PICALM: variants seen among roughly 807,000 people sequenced by gnomAD.
PICALM encodes phosphatidylinositol-binding clathrin assembly protein.
PICALM carries 40 observed loss-of-function variants against 80.5 expected under a neutral mutation model. That is an observed-to-expected ratio of 0.50 (90% CI 0.39 to 0.65). The LOEUF (loss-of-function observed/expected upper bound fraction) is 0.65. PICALM is among the 30% of genes least tolerant of loss of function. The pLI is 0.00. For missense variants in PICALM, 676 were observed against 778.9 expected, an observed-to-expected ratio of 0.87 and a Z score of 1.57; for synonymous variants, 288 against 260.3, an observed-to-expected ratio of 1.11 and a Z score of -1.02.
chr11:85,977,541 T>G (rs1321556220), intron 17 of PICALM, among the ~76,000 whole-genome samples: 1 of 152,204 alleles, frequency 6.6e-6, no homozygotes, highest in Non-Finnish European at 1.5e-5. Flanking sequence ...ACTGAAATTA[T>G]ATGGCAATTT....
chr11:86,058,834 C>G (rs2096309894), intron 1 of PICALM, among the ~76,000 whole-genome samples: 2 of 152,120 alleles, frequency 1.3e-5, no homozygotes, highest in African/African-American at 4.8e-5. Context: ...TAGAGTTGTG[C>G]AAGGAAGCAG....
chr11:86,026,923 C>T (rs41452444), intron 2 of PICALM, among the ~76,000 whole-genome samples: 2,362 of 152,248 alleles, frequency 0.016, 31 homozygotes, highest in Non-Finnish European at 0.025. Flanking sequence ...AACAGGTATA[C>T]GTTACTTTCA....
At position 85,959,112 on chromosome 11, in the gene PICALM, C is replaced by A. The variant is rs1345637420; in HGVS notation, c.1945-52G>T. On this transcript the variant is annotated intron_variant, in intron 19 of 19. Coordinates refer to ENST00000393346, the MANE Select transcript of PICALM (RefSeq NM_007166.4). ...TTCATTGTATTGTAGGATGTCTTCT[C>A]ATAAATAAAAATGCTTTGTGGTCTT... The A allele has an allele frequency of 5.3e-6, 7 of 1,328,146 alleles. No homozygotes were observed. The Admixed American group carries it at 1.1e-4, about 21-fold the overall frequency. 82.3% of individuals were successfully genotyped at this position (1,328,146 alleles called of 1,614,324 possible).
At chr11:85,966,749 G>C (rs972644368) in intron 19 of PICALM, among the ~76,000 whole-genome samples, 1 of 152,182 alleles carries the variant, frequency 6.6e-6, no homozygotes, top group African/African-American at 2.4e-5. Flanking sequence ...GATGACCAGT[G>C]TCCTTATAAG....
At chr11:85,989,171 G>A (rs954034481) in intron 13 of PICALM, among the ~76,000 whole-genome samples, 5 of 152,178 alleles carry the variant, frequency 3.3e-5, no homozygotes, top group African/African-American at 4.8e-5. Context: ...TAATCCTATA[G>A]AGTAAGGGCT....
intron 17 of PICALM, among the ~76,000 whole-genome samples, chr11:85,980,660 T>C (rs1017659000): frequency 6.6e-6 from 1 of 152,168 alleles, no homozygotes; most frequent in African/African-American, 2.4e-5. Context: ...AATCACAAGA[T>C]TTTGTATTTT....
chr11:85,967,871 TC>T (rs1380402403), intron 19 of PICALM, among the ~76,000 whole-genome samples: 1 of 152,200 alleles, frequency 6.6e-6, no homozygotes, highest in African/African-American at 2.4e-5. Flanking sequence ...TAAAAAGCAC[TC>T]ACAACAAGCC....
At chr11:85,975,012 A>G (rs908960306) in intron 18 of PICALM, among the ~76,000 whole-genome samples, 200 bp from the exon 19 acceptor site, 9 of 152,208 alleles carry the variant, frequency 5.9e-5, no homozygotes, top group Admixed American at 1.3e-4. Context: ...AGTCTTTAAC[A>G]TGCTCATTTT....
intron 4 of PICALM, among the ~76,000 whole-genome samples, chr11:86,019,989 G>A (rs192241150): frequency 3.9e-4 from 60 of 152,142 alleles, no homozygotes; most frequent in Admixed American, 8.5e-4. Flanking sequence ...AAGGGTCATC[G>A]CTGCTGCTAA....
chr11:86,022,364 C>A lies in PICALM; in HGVS notation c.452+3G>T. 2 of 1,512,906 alleles carry A rather than the reference C, an allele frequency of 1.3e-6. No individual in the cohort carries two copies. The highest frequency in any genetic ancestry group is 2.4e-5 in the South Asian group (2 of 84,514). 93.7% of individuals were successfully genotyped at this position (1,512,906 alleles called of 1,614,324 possible). A position where few individuals can be genotyped will look rare whatever the true frequency, so the allele number is the denominator to read the frequency against. ...ATTAGATGTCAAAAAAAGCTTAACT[C>A]ACCCTCTCTTCACTTTTGTGAAATC... On this transcript the variant is annotated splice_donor_region_variant and intron_variant, in intron 4 of 19. Coordinates refer to ENST00000393346, the MANE Select transcript of PICALM (RefSeq NM_007166.4).
chr11:86,016,637 A>G (rs1034123584), intron 4 of PICALM, among the ~76,000 whole-genome samples: 5 of 152,196 alleles, frequency 3.3e-5, no homozygotes, highest in African/African-American at 1.2e-4. Flanking sequence ...GCCTGTACAC[A>G]CATAGCTGAG....
chr11:86,031,752 A>G lies in PICALM; in HGVS notation c.131-141T>C, dbSNP rs542108866. 9 of 610,718 alleles carry G rather than the reference A, an allele frequency of 1.5e-5. No individual in the cohort carries two copies. The Admixed American group carries it at 1.6e-4, about 11-fold the overall frequency. The allele number at this position is 610,718 out of a possible 1,614,324, so 37.8% of individuals were successfully genotyped here. A position where few individuals can be genotyped will look rare whatever the true frequency, so the allele number is the denominator to read the frequency against. On this transcript the variant is annotated intron_variant, in intron 1 of 19. Coordinates refer to ENST00000393346, the MANE Select transcript of PICALM (RefSeq NM_007166.4). ...TGGAGATGTTGTTAAAAATCTCTCA[A>G]TTAGAGCAATTGAGACTACCATAAT...
intron 1 of PICALM, among the ~76,000 whole-genome samples, chr11:86,045,926 T>C (rs759513030): frequency 1.3e-5 from 2 of 152,344 alleles, no homozygotes; most frequent in African/African-American, 2.4e-5. Context: ...CCACAGCTTT[T>C]CAAGTTAATC....
intron 9 of PICALM, among the ~76,000 whole-genome samples, chr11:86,001,743 T>C (rs2095152161): frequency 6.6e-6 from 1 of 152,218 alleles, no homozygotes; most frequent in East Asian, 1.9e-4. Flanking sequence ...AAACCAGAAT[T>C]TCCTTTTTAA....
Position 85,996,922 on chromosome 11 carries a change from T to G in PICALM, c.1162A>C (p.Lys388Gln), listed in dbSNP as rs2094983686. The G allele has an allele frequency of 1.2e-6, 2 of 1,608,744 alleles. No individual in the cohort carries two copies. Among genetic ancestry groups the G allele is most frequent in the Non-Finnish European group, 1.7e-6 (2 of 1,176,354 alleles). Residue 388 changes from lysine to glutamine, a missense_variant, in exon 12 of 20, where the codon AAG (lysine) becomes CAG (glutamine). Physicochemically the swap from Lys to Gln is moderately conservative, Grantham distance 53. Coordinates refer to ENST00000393346, the MANE Select transcript of PICALM (RefSeq NM_007166.4). ...AAATCAAGCAGATCATTGGGCAGCT[T>G]TGATGTGCTAGAAAGATATTTTGGA... is the stretch of plus-strand genomic sequence containing the variant. ...STPSSSNSTS[K>Q]LPNDLLDLQQ... is the part of the protein sequence containing the mutation.
Position 85,957,482 on chromosome 11 carries a change from T to C in PICALM, c.*1564A>G, listed in dbSNP as rs1592227623. Among the ~76,000 whole-genome samples the C allele has an allele frequency of 6.6e-6, 1 of 152,200 alleles. No homozygotes were observed. Among genetic ancestry groups the C allele is most frequent in the Admixed American group, 6.5e-5 (1 of 15,286 alleles). ...TGAACAATTTTAATAAGTAGTTGCA[T>C]TTATCAATAAGAGTCTACAAGGTAA... is the stretch of plus-strand genomic sequence containing the variant. On this transcript the variant is annotated 3_prime_UTR_variant, in exon 20 of 20. Coordinates refer to ENST00000393346, the MANE Select transcript of PICALM (RefSeq NM_007166.4).
At chr11:86,060,255 G>A (rs2096338554) in intron 1 of PICALM, among the ~76,000 whole-genome samples, 2 of 152,104 alleles carry the variant, frequency 1.3e-5, no homozygotes, top group Middle Eastern at 3.2e-3. Context: ...AAATTGAGGA[G>A]CCAAGAGCTT....
chr11:86,050,812 C>T (rs895391548), intron 1 of PICALM, among the ~76,000 whole-genome samples: 6 of 151,748 alleles, frequency 4.0e-5, no homozygotes, highest in Admixed American at 2.6e-4. Flanking sequence ...AAGAAACTCC[C>T]TTTTTTTTAC....
At chr11:85,975,937 T>C (rs2094266933) in intron 18 of PICALM, among the ~76,000 whole-genome samples, 1 of 152,110 alleles carries the variant, frequency 6.6e-6, no homozygotes, top group Admixed American at 6.5e-5. Context: ...AAAAAAGCTG[T>C]GAAACTTCTC....
Sources: allele counts gnomAD v4.1 joint callset (sites outside exome capture counted in the v4.1 genomes callset), GRCh38; gene constraint gnomAD v4.1.1; transcripts MANE v1.5; gene names NCBI Gene and HGNC (gene_info 2026-07-23, HGNC 2026-07-21).